Variants in ASCC2 observed in about 807,000 individuals in gnomAD.
ASCC2 encodes ASC-1 complex subunit P100.
ASCC2 carries 42 observed loss-of-function variants against 93.5 expected under a neutral mutation model. The ratio of observed to expected loss-of-function variants is 0.45; its 90% CI spans 0.35 to 0.58. ASCC2 has a LOEUF of 0.58. ASCC2 is among the 20% of genes least tolerant of loss of function. The pLI is 0.00. For missense variants in ASCC2, 859 were observed against 977.6 expected (o/e 0.88, Z 1.62); for synonymous variants, 364 against 384.2 (o/e 0.95, Z 0.62).
intron 5 of ASCC2, among the ~76,000 whole-genome samples, chr22:29,816,414 T>C (rs1406294472): frequency 2.0e-5 from 3 of 152,186 alleles, no homozygotes; most frequent in Admixed American, 2.0e-4. Flanking sequence ...CTGCCTCCTA[T>C]GACAGCTTTG....
At chr22:29,800,161 G>A (rs1162692309) in intron 15 of ASCC2, among the ~76,000 whole-genome samples, 1 of 152,090 alleles carries the variant, frequency 6.6e-6, no homozygotes, top group Non-Finnish European at 1.5e-5. Flanking sequence ...TATGGCCTCG[G>A]GACCACTGTC....
Position 29,806,502 on chromosome 22 carries a change from GGA to G in ASCC2, c.1066_1067del (p.Ser356LeufsTer12). 6.2e-7 allele frequency: 1 copy of G among 1,614,038 alleles called. No homozygotes were observed. The highest frequency in any genetic ancestry group is 1.1e-5 in the South Asian group (1 of 91,034). On this transcript the variant is annotated frameshift_variant, in exon 11 of 20. Coordinates refer to ENST00000307790, the MANE Select transcript of ASCC2 (RefSeq NM_032204.5). LOFTEE classifies it high-confidence loss of function. ...ACACTCACCTCTTCTCCTGCAGCAA[GGA>G]GCTGAAGATCTGAAGGAACTCTTCG... ...FIEEFLQIFS[S>X]LLQEKRFLRD...
chr22:29,825,164 C>A lies in ASCC2; in HGVS notation c.334G>T (p.Val112Phe). The change falls in exon 4 of 20, where the codon GTT (valine) becomes TTT (phenylalanine). Residue 112 changes from valine to phenylalanine, a missense_variant. Coordinates refer to ENST00000307790, the MANE Select transcript of ASCC2 (RefSeq NM_032204.5). This position sits in a 1 kb window ranked among gnomAD's most constrained non-coding sequence, Gnocchi z 4.9. Reference sequence around the variant, plus strand: ...TGGAGGCGCTTCTGCATGTCAACAACCTCAGGGGCTGAGGCCACCCCCTCG... The same window carrying A: ...TGGAGGCGCTTCTGCATGTCAACAAACTCAGGGGCTGAGGCCACCCCCTCG... Reference protein sequence around the residue: ...FDEGVASAPEVVDMQKRLHRS... With the variant: ...FDEGVASAPEFVDMQKRLHRS... 5 of 1,563,568 alleles carry A rather than the reference C, an allele frequency of 3.2e-6. No homozygotes were observed. Among genetic ancestry groups the A allele is most frequent in the Non-Finnish European group, 4.3e-6 (5 of 1,155,566 alleles).
intron 15 of ASCC2, among the ~76,000 whole-genome samples, chr22:29,798,337 G>T (rs1318303728): frequency 1.3e-5 from 2 of 152,138 alleles, no homozygotes; most frequent in Admixed American, 1.3e-4. Context: ...AGGGGTATTG[G>T]AGACTTCTGG....
chr22:29,814,909 A>G (rs1197540302), intron 6 of ASCC2, 142 bp from the exon 7 acceptor site: 4 of 644,208 alleles, frequency 6.2e-6, no homozygotes, highest in Admixed American at 6.8e-5. Context: ...AAGCTGAGAC[A>G]ATTACCTTCT....
At chr22:29,798,735 C>T (rs1427230440) in intron 15 of ASCC2, among the ~76,000 whole-genome samples, 1 of 152,228 alleles carries the variant, frequency 6.6e-6, no homozygotes, top group African/African-American at 2.4e-5. Context: ...CCAGCACCTC[C>T]CACTCTGTCC....
intron 6 of ASCC2, 79 bp downstream of exon 6, chr22:29,815,927 G>A: frequency 8.0e-7 from 1 of 1,256,172 alleles, no homozygotes; most frequent in Non-Finnish European, 1.1e-6. Context: ...CTCCAGGAAA[G>A]TCAGGCAACA....
intron 5 of ASCC2, chr22:29,821,852 C>T (rs900884512): frequency 1.1e-5 from 4 of 366,790 alleles, no homozygotes; most frequent in Non-Finnish European, 2.2e-5. Context: ...TTTTTTAATT[C>T]GCCAGGCATG....
intron 15 of ASCC2, chr22:29,799,085 G>A (rs1006717075): frequency 6.6e-6 from 1 of 152,330 alleles, no homozygotes; most frequent in Non-Finnish European, 1.5e-5. Context: ...GGTGACTTAT[G>A]ACCTAGGTGG....
intron 5 of ASCC2, 102 bp from the exon 6 acceptor site, chr22:29,816,175 C>G: frequency 1.0e-6 from 1 of 970,968 alleles, no homozygotes; most frequent in South Asian, 1.4e-5. Flanking sequence ...TGACCTTTCT[C>G]CCTTTTCCTA....
At position 29,789,001 on chromosome 22, in the gene ASCC2, C is replaced by T. The variant is rs1400986475; in HGVS notation, c.*12G>A. 1.2e-6 allele frequency: 2 copies of T among 1,614,126 alleles called. No individual in the cohort carries two copies. ...TGGTGCCGCTGCCTCCCCACTGGCC[C>T]TGCACCAGGTCTCAGGATGGGATCA... On this transcript the variant is annotated 3_prime_UTR_variant, in exon 20 of 20. Coordinates refer to ENST00000307790, the MANE Select transcript of ASCC2 (RefSeq NM_032204.5).
At chr22:29,807,981 C>T in intron 9 of ASCC2, 130 bp downstream of exon 9, 1 of 840,818 alleles carries the variant, frequency 1.2e-6, no homozygotes, top group South Asian at 1.7e-5. Context: ...GATGCAGAAG[C>T]TCAAAGCTGC....
chr22:29,832,016 G>A (rs1055165092), intron 2 of ASCC2, among the ~76,000 whole-genome samples: 1 of 152,236 alleles, frequency 6.6e-6, no homozygotes, highest in East Asian at 1.9e-4. Flanking sequence ...AATGCTTTGG[G>A]GGGAAGGTGC....
At chr22:29,828,080 A>C (rs1441725438) in intron 2 of ASCC2, among the ~76,000 whole-genome samples, 1 of 152,236 alleles carries the variant, frequency 6.6e-6, no homozygotes, top group Admixed American at 6.5e-5. Flanking sequence ...CAAACCTGGC[A>C]GAGGGACTGT....
rs1555885984 is a variant in ASCC2, at chr22:29,838,228, G to GCCGCC, written c.-69_-68insGGCGG. On this transcript the variant is annotated 5_prime_UTR_variant, in exon 1 of 20. Coordinates refer to ENST00000307790, the MANE Select transcript of ASCC2 (RefSeq NM_032204.5). ...TGCCGCCGCCGCCGCCGCCGCCGCC[G>GCCGCC]ACCACGGTGACAGCTCCCTGAGCGC... 6 of 465,508 alleles carry GCCGCC rather than the reference G, an allele frequency of 1.3e-5. No homozygotes were observed. Among genetic ancestry groups the GCCGCC allele is most frequent in the South Asian group, 3.1e-5 (2 of 65,296 alleles). 28.8% of individuals were successfully genotyped at this position (465,508 alleles called of 1,614,324 possible).
At chr22:29,811,131 A>C (rs1852208303) in intron 8 of ASCC2, among the ~76,000 whole-genome samples, 1 of 152,236 alleles carries the variant, frequency 6.6e-6, no homozygotes, top group Non-Finnish European at 1.5e-5. Context: ...GGCCATACCA[A>C]AGACATTAGA....
intron 8 of ASCC2, among the ~76,000 whole-genome samples, chr22:29,812,239 G>A (rs1013807335): frequency 1.3e-5 from 2 of 152,214 alleles, no homozygotes; most frequent in Non-Finnish European, 2.9e-5. Context: ...CCCAGAAGCT[G>A]CTACAAATGG....
rs775679720 is a variant in ASCC2, at chr22:29,793,591, C to T, written c.1774G>A (p.Val592Met). 2.0e-5 allele frequency: 32 copies of T among 1,612,176 alleles called. No individual in the cohort carries two copies. In the East Asian group the frequency reaches 2.5e-4, roughly 12 times the overall value. ...AQRQRYEQYS[V>M]VVEEVPLQPG... ...TGGTGGCCTACCTCCTCCACCACCA[C>T]GCTGTACTGCTCGTAGCGCTGCCGC... Residue 592 changes from valine (V) to methionine (M), a missense_variant, in exon 16 of 20, where the codon GTG becomes ATG. Val to Met is a conservative substitution (Grantham distance 21). Coordinates refer to ENST00000307790, the MANE Select transcript of ASCC2 (RefSeq NM_032204.5).
In ASCC2 at chr22:29,802,193, C is replaced by T. The variant is rs139468567; in HGVS notation, c.1369G>A (p.Ala457Thr). The stretch of plus-strand genomic sequence containing the variant: ...CCACACATGGCAGGGCCCACAGCCG[C>T]GGCTGCTCCCATGCACTGTAGTGAG... ...SEEEECMGAA[A>T]AVGPAMCGVE... Residue 457 changes from alanine (A) to threonine (T), a missense_variant, in exon 14 of 20, where the codon GCG (alanine) becomes ACG (threonine). Physicochemically the swap from Ala to Thr is moderately conservative, Grantham distance 58. Transcript: ENST00000307790. 3.3e-5 allele frequency: 54 copies of T among 1,613,980 alleles called. No homozygotes were observed. The African/African-American group carries it at 4.7e-4, about 14-fold the overall frequency.
Sources: allele counts gnomAD v4.1 joint callset (sites outside exome capture counted in the v4.1 genomes callset), GRCh38; gene constraint gnomAD v4.1.1; non-coding constraint Gnocchi (gnomAD v3.1); transcripts MANE v1.5; gene names NCBI Gene and HGNC (gene_info 2026-07-23, HGNC 2026-07-21).